The following BCAR3 variants were observed in gnomAD, a reference collection of about 807,000 sequenced individuals.
BCAR3 encodes the protein BCAR3 adaptor protein, NSP family member.
A neutral mutation model predicts 80.1 loss-of-function variants in BCAR3; 37 were observed. The observed-to-expected ratio is 0.46, with a 90% CI of 0.36 to 0.61. The LOEUF (loss-of-function observed/expected upper bound fraction) is 0.61, where lower values mean the gene tolerates loss of function less well. BCAR3 is among the 20% of genes least tolerant of loss of function. The pLI, the probability that BCAR3 is intolerant of heterozygous loss-of-function variation, is 0.00. For synonymous variants in BCAR3, 389 were observed against 418.9 expected (o/e 0.93, Z 0.87); for missense variants, 978 against 1,068.2 (o/e 0.92, Z 1.18).
chr1:93,686,545 C>T (rs1648980335), upstream of BCAR3, among the ~76,000 whole-genome samples: 1 of 152,232 alleles, frequency 6.6e-6, no homozygotes, highest in South Asian at 2.1e-4. Flanking sequence ...ATACTTGCCC[C>T]ATTTCACAAA....
At chr1:93,583,609 T>A (rs1673817446) in intron 6 of BCAR3, among the ~76,000 whole-genome samples, 1 of 152,144 alleles carries the variant, frequency 6.6e-6, no homozygotes, top group Non-Finnish European at 1.5e-5. Flanking sequence ...CCTGGACAGC[T>A]GTTCTGCCAA....
intron 2 of BCAR3, among the ~76,000 whole-genome samples, chr1:93,664,559 A>C (rs532508445): frequency 7.9e-5 from 12 of 152,324 alleles, no homozygotes; most frequent in African/African-American, 2.4e-4. Context: ...CATCATTTAA[A>C]TATCCTGCAT....
chr1:93,788,570 G>C (rs1304151862), intron 2 of BCAR3, among the ~76,000 whole-genome samples: 1 of 152,106 alleles, frequency 6.6e-6, no homozygotes, highest in Non-Finnish European at 1.5e-5. Flanking sequence ...CAGGTATGAA[G>C]CTTAGTTTTG....
intron 2 of BCAR3, among the ~76,000 whole-genome samples, chr1:93,732,631 A>C (rs1366385028): frequency 3.3e-5 from 5 of 152,196 alleles, no homozygotes; most frequent in Non-Finnish European, 5.9e-5. Flanking sequence ...AAAGAAAAAA[A>C]AACGAAAAGA....
chr1:93,683,982 G>A (rs1278863228), upstream of BCAR3, among the ~76,000 whole-genome samples: 1 of 152,044 alleles, frequency 6.6e-6, no homozygotes, highest in Non-Finnish European at 1.5e-5. Flanking sequence ...ATCCCTCTTA[G>A]AAACAGTTGT....
intron 2 of BCAR3, among the ~76,000 whole-genome samples, chr1:93,786,944 C>T (rs1360619749): frequency 6.6e-6 from 1 of 152,072 alleles, no homozygotes; most frequent in Non-Finnish European, 1.5e-5. Context: ...TCACACTGTC[C>T]CCTGCAGCTA....
At chr1:93,615,523 C>T (rs972323966) in intron 3 of BCAR3, among the ~76,000 whole-genome samples, 2 of 152,172 alleles carry the variant, frequency 1.3e-5, no homozygotes, top group African/African-American at 2.4e-5. Context: ...GCAGTCTTGA[C>T]GGCTCCCAGG....
intron 3 of BCAR3, among the ~76,000 whole-genome samples, chr1:93,705,652 A>G (rs369662579): frequency 4.6e-5 from 7 of 151,860 alleles, no homozygotes; most frequent in African/African-American, 1.5e-4. Context: ...AGCACCTGAA[A>G]CCCTCCCCAC....
chr1:93,670,111 A>T (rs533893741), intron 2 of BCAR3, among the ~76,000 whole-genome samples: 1 of 152,312 alleles, frequency 6.6e-6, no homozygotes, highest in South Asian at 2.1e-4. Context: ...ATAATAATAA[A>T]AATTCATCCT....
intron 2 of BCAR3, among the ~76,000 whole-genome samples, chr1:93,713,647 C>T (rs1650101057): frequency 6.6e-6 from 1 of 152,164 alleles, no homozygotes; most frequent in Non-Finnish European, 1.5e-5. Flanking sequence ...CATAGAGCTT[C>T]CCCCTTCAAG....
intron 2 of BCAR3, among the ~76,000 whole-genome samples, chr1:93,718,532 C>G (rs1377498388): frequency 6.6e-6 from 1 of 152,086 alleles, no homozygotes; most frequent in African/African-American, 2.4e-5. Flanking sequence ...CTTCACACCT[C>G]TGGGCCTCAA....
upstream of BCAR3, among the ~76,000 whole-genome samples, chr1:93,684,202 A>G (rs2101958939): frequency 6.6e-6 from 1 of 152,312 alleles, no homozygotes; most frequent in African/African-American, 2.4e-5. Flanking sequence ...AAATTCATTT[A>G]CTGATTTTCT....
intron 2 of BCAR3, among the ~76,000 whole-genome samples, chr1:93,830,841 G>C (rs1654537537): frequency 6.6e-6 from 1 of 152,074 alleles, no homozygotes. Context: ...TACCACCTCA[G>C]GTCTTCAGAC....
At chr1:93,579,293 G>T (rs1390614400) in intron 7 of BCAR3, among the ~76,000 whole-genome samples, 4 of 152,240 alleles carry the variant, frequency 2.6e-5, no homozygotes, top group Admixed American at 6.5e-5. Flanking sequence ...AGGTCTTGTT[G>T]TATTTCCCTC....
chr1:93,746,628 C>T (rs1019061887), intron 2 of BCAR3, among the ~76,000 whole-genome samples: 8 of 152,138 alleles, frequency 5.3e-5, no homozygotes, highest in Admixed American at 1.3e-4. Context: ...GTAGTCAAGG[C>T]GCCCCAGGCT....
intron 2 of BCAR3, among the ~76,000 whole-genome samples, chr1:93,805,302 G>C (rs183619033): frequency 4.8e-4 from 73 of 152,332 alleles, no homozygotes; most frequent in Admixed American, 1.2e-3. Context: ...CTGCAGCTAA[G>C]GGATCAAGAT....
intron 2 of BCAR3, among the ~76,000 whole-genome samples, chr1:93,804,845 T>C (rs561464345): frequency 6.6e-6 from 1 of 152,346 alleles, no homozygotes; most frequent in South Asian, 2.1e-4. Flanking sequence ...CCATCATGGA[T>C]AGAATAAACT....
intron 2 of BCAR3, among the ~76,000 whole-genome samples, chr1:93,738,989 C>T (rs1219229596): frequency 6.6e-6 from 1 of 152,106 alleles, no homozygotes; most frequent in Non-Finnish European, 1.5e-5. Context: ...CCTGACCCCA[C>T]CCAAGCAACT....
At chr1:93,575,861 G>A (rs747859354) in intron 8 of BCAR3, among the ~76,000 whole-genome samples, 153 bp downstream of exon 8, 1 of 152,200 alleles carries the variant, frequency 6.6e-6, no homozygotes, top group South Asian at 2.1e-4. Context: ...TCAGGCTCAG[G>A]CTTCTGGGAA....
Sources: gnomAD v4.1 joint callset for allele counts (sites outside exome capture counted in the v4.1 genomes callset) on GRCh38, gnomAD v4.1.1 for gene constraint, MANE v1.5 for transcripts, NCBI Gene and HGNC (gene_info 2026-07-23, HGNC 2026-07-21) for gene names.